The following SDF4 variants were observed in gnomAD, a reference collection of about 807,000 sequenced individuals.
The protein encoded by SDF4 is stromal cell derived factor 4.
Under a neutral mutation model 34.2 loss-of-function variants are expected in SDF4, and 22 were observed. That is an observed-to-expected ratio of 0.64 (90% CI 0.46 to 0.92). The LOEUF (loss-of-function observed/expected upper bound fraction) is 0.92. Ranked by LOEUF, SDF4 falls within the 40% of genes least tolerant of loss-of-function variation. The probability of loss-of-function intolerance (pLI) is 0.00; values close to 1 mark genes in which losing one functional copy is unlikely to be tolerated. For synonymous variants in SDF4, 236 were observed against 203.1 expected (o/e 1.16, Z -1.38); for missense variants, 447 against 499.9 (o/e 0.89, Z 1.01).
chr1:1,221,113 T>C (rs1367546707), intron 4 of SDF4: 2 of 282,648 alleles, frequency 7.1e-6, no homozygotes, highest in Non-Finnish European at 1.4e-5. Context: ...ATGTCCAATT[T>C]GCAGGATTTA....
chr1:1,219,060 C>T, intron 4 of SDF4, 133 bp from the exon 5 acceptor site: 1 of 1,575,398 alleles, frequency 6.3e-7, no homozygotes. Flanking sequence ...CTCCAGGATT[C>T]ACACGTCCCC....
At chr1:1,224,105 C>G (rs75700266) in intron 2 of SDF4, 137 bp from the exon 3 acceptor site, 1 of 1,476,106 alleles carries the variant, frequency 6.8e-7, no homozygotes, top group East Asian at 2.4e-5. Flanking sequence ...CCAGGCAACG[C>G]GAAAAGCGTC....
intron 2 of SDF4, among the ~76,000 whole-genome samples, chr1:1,226,358 T>C (rs978384709): frequency 9.2e-5 from 11 of 119,320 alleles, no homozygotes; most frequent in Non-Finnish European, 1.6e-4. Flanking sequence ...GGAGGAAACA[T>C]GGCACCTCCC....
At chr1:1,226,926 C>G (rs1334154476) in intron 2 of SDF4, among the ~76,000 whole-genome samples, 4 of 152,226 alleles carry the variant, frequency 2.6e-5, no homozygotes, top group Non-Finnish European at 5.9e-5. Flanking sequence ...GTGAACCTGA[C>G]AGGCCCCAGG....
At chr1:1,231,376 C>A (rs1389881475) in intron 1 of SDF4, among the ~76,000 whole-genome samples, 1 of 152,228 alleles carries the variant, frequency 6.6e-6, no homozygotes, top group Non-Finnish European at 1.5e-5. Context: ...TCTGGTGGAA[C>A]GAGGCTATTT....
chr1:1,218,975 C>A lies in SDF4; in HGVS notation c.557-48G>T, dbSNP rs376779621. 2 of 1,612,538 alleles carry A rather than the reference C, an allele frequency of 1.2e-6. No individual in the cohort carries two copies. Among genetic ancestry groups the A allele is most frequent in the Non-Finnish European group, 1.7e-6 (2 of 1,179,812 alleles). Reference sequence around the variant, plus strand: ...GTATCGAGGCCGACAGACGCCAGCACGCAAATCCAGAAAGTTCCGAGAGGT... The same window carrying A: ...GTATCGAGGCCGACAGACGCCAGCAAGCAAATCCAGAAAGTTCCGAGAGGT... On this transcript the variant is annotated intron_variant, in intron 4 of 6. Transcript: ENST00000360001. This position sits in a 1 kb window ranked among gnomAD's most constrained non-coding sequence, Gnocchi z 7.9.
At chr1:1,223,221 C>T (rs748632849) in intron 4 of SDF4, 23 bp downstream of exon 4, 32 of 1,537,842 alleles carry the variant, frequency 2.1e-5, no homozygotes, top group Non-Finnish European at 2.1e-5. Context: ...AGACCGGTGG[C>T]GGGAGCCTGG....
chr1:1,223,595 A>AT (rs902993671), intron 3 of SDF4, among the ~76,000 whole-genome samples: 58 of 152,146 alleles, frequency 3.8e-4, no homozygotes, highest in African/African-American at 1.4e-3. Flanking sequence ...CCCCGAAGAC[A>AT]TAAGAGGCGC....
At chr1:1,229,846 G>A (rs1638438125) in intron 1 of SDF4, among the ~76,000 whole-genome samples, 1 of 152,192 alleles carries the variant, frequency 6.6e-6, no homozygotes. Flanking sequence ...TAAGTGCAGA[G>A]GGCGTCAGGG....
At position 1,218,937 on chromosome 1, in the gene SDF4, G is replaced by A; in HGVS notation, c.557-10C>T. 6.2e-7 allele frequency: 1 copy of A among 1,610,656 alleles called. No individual in the cohort carries two copies. The highest frequency in any genetic ancestry group is 8.5e-7 in the Non-Finnish European group (1 of 1,178,762). ...TCCAGGACTTCCTGTGCTGAGAGGG[G>A]CGCAGCCTGTGGGTATCGAGGCCGA... On this transcript the variant is annotated splice_polypyrimidine_tract_variant and intron_variant, in intron 4 of 6. Coordinates refer to ENST00000360001, the MANE Select transcript of SDF4 (RefSeq NM_016176.6). This position sits in a 1 kb window ranked among gnomAD's most constrained non-coding sequence, Gnocchi z 7.9.
chr1:1,229,047 A>C, intron 1 of SDF4, 101 bp from the exon 2 acceptor site: 1 of 535,568 alleles, frequency 1.9e-6, no homozygotes, highest in Admixed American at 3.4e-5. Flanking sequence ...CACAGGATCC[A>C]GACATGTGGC....
intron 4 of SDF4, chr1:1,221,476 G>A (rs374286589): frequency 6.6e-6 from 1 of 152,322 alleles, no homozygotes; most frequent in Non-Finnish European, 1.5e-5. Flanking sequence ...CCCCATGGGG[G>A]CTGGTCACAT....
intron 2 of SDF4, among the ~76,000 whole-genome samples, chr1:1,226,167 C>T (rs1034421051): frequency 1.3e-5 from 2 of 152,236 alleles, no homozygotes; most frequent in African/African-American, 2.4e-5. Flanking sequence ...GCAGCTATTG[C>T]ACTGGGGCAG....
chr1:1,228,020 G>C (rs900748459), intron 2 of SDF4, among the ~76,000 whole-genome samples: 1 of 152,204 alleles, frequency 6.6e-6, no homozygotes, highest in African/African-American at 2.4e-5. Flanking sequence ...CAGGGTAGAG[G>C]GCGTGTCAGG....
intron 4 of SDF4, chr1:1,219,696 C>T (rs2100969241): frequency 1.0e-6 from 1 of 986,330 alleles, no homozygotes; most frequent in African/African-American, 1.7e-5. Flanking sequence ...CCACACATCC[C>T]AAGGACCCAA....
intron 4 of SDF4, 143 bp downstream of exon 4, chr1:1,223,101 C>T (rs1557517548): frequency 4.6e-6 from 3 of 656,982 alleles, no homozygotes; most frequent in Non-Finnish European, 8.2e-6. Flanking sequence ...CACACTCGTA[C>T]ACACGGCACG....
chr1:1,225,533 C>G (rs2100980271), intron 2 of SDF4, among the ~76,000 whole-genome samples: 1 of 152,340 alleles, frequency 6.6e-6, no homozygotes, highest in East Asian at 1.9e-4. Flanking sequence ...CGCAGCAGCC[C>G]AGAGGTGGAC....
At chr1:1,223,999 C>CA (rs772573060) in intron 2 of SDF4, 31 bp from the exon 3 acceptor site, 1 of 1,605,340 alleles carries the variant, frequency 6.2e-7, no homozygotes, top group Non-Finnish European at 8.5e-7. Context: ...AGGTGGCCGT[C>CA]AGACTGGGCC....
At position 1,218,517 on chromosome 1, in the gene SDF4, C is replaced by T. The variant is rs898719303; in HGVS notation, c.832G>A (p.Glu278Lys). ...DDNWVKDRKK[E>K]FEELIDSNHD... ...TTGGAGTCAATGAGCTCCTCAAACT[C>T]CTTTTTTCTGTCTTTCACCCAGTTG... Residue 278 changes from glutamate (E) to lysine (K), a missense_variant, in exon 6 of 7, where the codon GAG becomes AAG. Glu to Lys is a moderately conservative substitution (Grantham distance 56). Coordinates refer to ENST00000360001, the MANE Select transcript of SDF4 (RefSeq NM_016176.6). This position sits in a 1 kb window ranked among gnomAD's most constrained non-coding sequence, Gnocchi z 7.9. 6.2e-7 allele frequency: 1 copy of T among 1,614,018 alleles called. No homozygotes were observed.
Sources: allele counts gnomAD v4.1 joint callset (sites outside exome capture counted in the v4.1 genomes callset), GRCh38; gene constraint gnomAD v4.1.1; non-coding constraint Gnocchi (gnomAD v3.1); transcripts MANE v1.5; gene names NCBI Gene and HGNC (gene_info 2026-07-23, HGNC 2026-07-21).